Variants in PACRG observed in about 807,000 individuals in gnomAD.
The protein encoded by PACRG is parkin coregulated gene protein.
PACRG carries 29 observed loss-of-function variants against 29.7 expected under a neutral mutation model. The observed-to-expected ratio is 0.98, with a 90% confidence interval of 0.73 to 1.33. PACRG has a LOEUF of 1.33. Among genes scored for constraint, PACRG ranks in the 40% most tolerant of loss-of-function variants. The pLI, the probability that PACRG is intolerant of heterozygous loss-of-function variation, is 0.00. For missense variants in PACRG, 279 were observed against 316.2 expected (o/e 0.88, Z 0.89); for synonymous variants, 116 against 118.7 (o/e 0.98, Z 0.15).
chr6:163,031,428 G>T (rs1807652057), intron 2 of PACRG, among the ~76,000 whole-genome samples: 1 of 152,170 alleles, frequency 6.6e-6, no homozygotes, highest in African/African-American at 2.4e-5. Flanking sequence ...TCACTGGTTG[G>T]TTTGCAGGAA....
chr6:162,842,852 A>C (rs1333266084), intron 2 of PACRG, among the ~76,000 whole-genome samples: 2 of 113,816 alleles, frequency 1.8e-5, no homozygotes, highest in African/African-American at 8.0e-5. Flanking sequence ...TCCTTCACTT[A>C]TGAAGCTTAG....
At chr6:162,729,113 C>T (rs1173124830) in intron 1 of PACRG, among the ~76,000 whole-genome samples, 2 of 152,012 alleles carry the variant, frequency 1.3e-5, no homozygotes, top group Admixed American at 1.3e-4. Context: ...AAAATATATA[C>T]AAATATTTTA....
At chr6:163,087,210 A>T (rs996211754) in intron 3 of PACRG, among the ~76,000 whole-genome samples, 2 of 152,056 alleles carry the variant, frequency 1.3e-5, no homozygotes, top group Non-Finnish European at 2.9e-5. Context: ...GAAGGTGAGG[A>T]TGGAGAGTGA....
intron 1 of PACRG, among the ~76,000 whole-genome samples, chr6:162,783,596 C>T (rs948494397): frequency 2.0e-5 from 3 of 151,656 alleles, no homozygotes; most frequent in East Asian, 3.9e-4. Flanking sequence ...TTTATTTAAC[C>T]AAATCTCTAT....
At chr6:162,772,231 A>G (rs1783276109) in intron 1 of PACRG, among the ~76,000 whole-genome samples, 1 of 152,202 alleles carries the variant, frequency 6.6e-6, no homozygotes, top group Non-Finnish European at 1.5e-5. Flanking sequence ...CTAAAATAAT[A>G]GAAATTATTT....
intron 4 of PACRG, among the ~76,000 whole-genome samples, chr6:163,224,792 G>A (rs1781723712): frequency 6.7e-6 from 1 of 148,490 alleles, no homozygotes; most frequent in African/African-American, 2.5e-5. Flanking sequence ...TGTTGTTGTT[G>A]TTGTTTTTGA....
chr6:163,167,572 A>G lies in PACRG; in HGVS notation c.613+78164A>G, dbSNP rs114712217. On this transcript the variant is annotated intron_variant, in intron 4 of 4. Coordinates refer to ENST00000366888, the MANE Select transcript of PACRG (RefSeq NM_001080379.2). Reference sequence around the variant, plus strand: ...TCCCAAGTCAATAATATTCATATCAAAATTTTCAAATCTAGCTAAATGAAG... The same window carrying G: ...TCCCAAGTCAATAATATTCATATCAGAATTTTCAAATCTAGCTAAATGAAG... Among the ~76,000 whole-genome samples the G allele has an allele frequency of 3.2e-3, 481 of 152,352 alleles. 4 individuals carry two copies. The highest frequency in any genetic ancestry group is 0.011 in the African/African-American group (459 of 41,576).
intron 1 of PACRG, among the ~76,000 whole-genome samples, chr6:162,729,316 A>C (rs1259890673): frequency 6.6e-6 from 1 of 152,196 alleles, no homozygotes; most frequent in Non-Finnish European, 1.5e-5. Flanking sequence ...GCAATTCATT[A>C]TGTTAAATGA....
At chr6:162,979,279 G>A (rs1184937295) in intron 2 of PACRG, among the ~76,000 whole-genome samples, 1 of 152,072 alleles carries the variant, frequency 6.6e-6, no homozygotes, top group East Asian at 1.9e-4. Flanking sequence ...CTGATTATTA[G>A]ACATGTTGAG....
At chr6:163,288,545 T>C (rs1322650159) in intron 4 of PACRG, among the ~76,000 whole-genome samples, 1 of 152,262 alleles carries the variant, frequency 6.6e-6, no homozygotes, top group Non-Finnish European at 1.5e-5. Context: ...CAAAAGAGTT[T>C]CGCGACTGTC....
intron 1 of PACRG, among the ~76,000 whole-genome samples, chr6:162,795,730 AAT>A (rs373967603): frequency 1.0e-3 from 157 of 152,350 alleles, no homozygotes; most frequent in African/African-American, 3.7e-3. Context: ...TCTATCACAA[AAT>A]AGTGTGTTTT....
At chr6:162,958,880 TATATAGAG>T (rs1413033373) in intron 2 of PACRG, among the ~76,000 whole-genome samples, 20 of 16,470 alleles carry the variant, frequency 1.2e-3, no homozygotes, top group East Asian at 3.6e-3. Flanking sequence ...TATATATATA[TATATAGAG>T]AGAGAGAGAG....
At chr6:162,962,786 C>T (rs900559761) in intron 2 of PACRG, among the ~76,000 whole-genome samples, 4 of 152,214 alleles carry the variant, frequency 2.6e-5, no homozygotes, top group Non-Finnish European at 4.4e-5. Context: ...AGACAGGTCA[C>T]ATGCTACAAA....
chr6:162,747,820 G>C (rs574947377), intron 1 of PACRG, among the ~76,000 whole-genome samples: 4 of 152,092 alleles, frequency 2.6e-5, no homozygotes, highest in Admixed American at 2.6e-4. Flanking sequence ...AGTAATGGGA[G>C]ACGGGGCTCA....
chr6:162,947,607 TAATCA>T (rs1799270011), intron 2 of PACRG, among the ~76,000 whole-genome samples: 2 of 58,310 alleles, frequency 3.4e-5, no homozygotes, highest in Non-Finnish European at 6.8e-5. Context: ...TATATATATA[TAATCA>T]TATATATATA....
intron 1 of PACRG, among the ~76,000 whole-genome samples, chr6:162,780,318 A>G (rs981971534): frequency 2.0e-5 from 3 of 152,344 alleles, no homozygotes; most frequent in African/African-American, 7.2e-5. Context: ...ACCACCTAAC[A>G]AAGCTTAAAG....
intron 4 of PACRG, among the ~76,000 whole-genome samples, chr6:163,148,979 G>GGGGGGGGGGA (rs1562939620): frequency 9.2e-5 from 3 of 32,434 alleles, no homozygotes; most frequent in African/African-American, 1.4e-4. Context: ...GGGGGGGGGG[G>GGGGGGGGGGA]GGTGGAAAAA....
chr6:163,127,506 A>C (rs1816565751), intron 4 of PACRG, among the ~76,000 whole-genome samples: 2 of 152,168 alleles, frequency 1.3e-5, no homozygotes, highest in African/African-American at 4.8e-5. Context: ...GGTCTGCCGC[A>C]CAAGTGTGTC....
intron 4 of PACRG, among the ~76,000 whole-genome samples, chr6:163,267,434 A>G (rs1401818289): frequency 6.6e-6 from 1 of 152,246 alleles, no homozygotes; most frequent in Non-Finnish European, 1.5e-5. Flanking sequence ...AGTTTTCTAA[A>G]GTACTTTTAA....
Sources: allele counts gnomAD v4.1 joint callset (sites outside exome capture counted in the v4.1 genomes callset), GRCh38; gene constraint gnomAD v4.1.1; transcripts MANE v1.5; gene names NCBI Gene and HGNC (gene_info 2026-07-23, HGNC 2026-07-21).